Variants in AHNAK observed in about 807,000 individuals in gnomAD.
AHNAK encodes AHNAK nucleoprotein, also known as neuroblast differentiation-associated protein AHNAK.
A neutral mutation model predicts 37.8 loss-of-function variants in AHNAK; 23 were observed. The observed-to-expected ratio is 0.61, with a 90% CI of 0.44 to 0.86. The LOEUF is 0.86. AHNAK is among the 40% of genes least tolerant of loss of function. AHNAK has a pLI of 0.00. For synonymous variants in AHNAK, 2,481 were observed against 2,636.3 expected (o/e 0.94, Z 1.80); for missense variants, 7,411 against 7,319.4 (o/e 1.01, Z -0.46).
intron 5 of AHNAK, among the ~76,000 whole-genome samples, chr11:62,475,665 C>T (rs1424266866): frequency 5.9e-5 from 8 of 135,134 alleles, no homozygotes; most frequent in African/African-American, 2.0e-4. Context: ...AGTGCAGTGG[C>T]GCGATCTCAG....
In AHNAK at chr11:62,531,778, A is replaced by G; in HGVS notation, c.2639T>C (p.Met880Thr). ...GPDWHLKMPKMKMPKFSMPGF... is the reference protein window; with the variant it reads ...GPDWHLKMPKTKMPKFSMPGF... ...AGGCATGCTGAACTTGGGCATTTTC[A>G]TCTTGGGCATCTTCAGGTGCCAGTC... Residue 880 changes from methionine (M) to threonine (T), a missense_variant, in exon 5 of 5, where the codon ATG (methionine) becomes ACG (threonine). Transcript: ENST00000378024. The G allele has an allele frequency of 6.2e-7, 1 of 1,613,180 alleles. No homozygotes were observed. Among genetic ancestry groups the G allele is most frequent in the East Asian group, 2.2e-5 (1 of 44,810 alleles).
chr11:62,450,096 CTTTTGTTTTA>C (rs1938502103), intron 5 of AHNAK, among the ~76,000 whole-genome samples: 1 of 150,584 alleles, frequency 6.6e-6, no homozygotes, highest in Non-Finnish European at 1.5e-5. Context: ...ATTTTGTTTT[CTTTTGTTTTA>C]TTTTATTTTA....
chr11:62,454,738 G>A (rs1938620224), intron 5 of AHNAK, among the ~76,000 whole-genome samples: 1 of 151,960 alleles, frequency 6.6e-6, no homozygotes, highest in Non-Finnish European at 1.5e-5. Context: ...AGAGGAAGAA[G>A]AGGGAGAAAG....
chr11:62,515,158 A>G (rs753893963), downstream of AHNAK, among the ~76,000 whole-genome samples: 21 of 152,340 alleles, frequency 1.4e-4, no homozygotes, highest in Admixed American at 3.9e-4. Flanking sequence ...GACTTTGGTC[A>G]GAAGACTTTT....
intron 5 of AHNAK, among the ~76,000 whole-genome samples, chr11:62,442,280 T>C (rs1400137848): frequency 6.6e-6 from 1 of 152,168 alleles, no homozygotes; most frequent in Non-Finnish European, 1.5e-5. Context: ...GCACAGCAGC[T>C]CACACCTGTA....
chr11:62,542,207 G>A (rs1941149972), intron 1 of AHNAK, among the ~76,000 whole-genome samples: 1 of 152,016 alleles, frequency 6.6e-6, no homozygotes, highest in Non-Finnish European at 1.5e-5. Context: ...ACAGCCCAGG[G>A]CAGCCTGCAG....
In AHNAK at chr11:62,519,789, C is replaced by T; in HGVS notation, c.14628G>A (p.Gly4876=). Residue 4876 remains glycine, a synonymous_variant, in exon 5 of 5, where the codon GGG becomes GGA. Coordinates refer to ENST00000378024, the MANE Select transcript of AHNAK (RefSeq NM_001620.3). ...GATCTACTTCTGGGCCTTTCAAAGT[C>T]CCTTCAACCTTAGGGACAGACACAT... is the stretch of plus-strand genomic sequence containing the variant. ...DFDVSVPKVE[G]TLKGPEVDLK... The T allele has an allele frequency of 6.2e-7, 1 of 1,613,574 alleles. No individual in the cohort carries two copies. Among genetic ancestry groups the T allele is most frequent in the South Asian group, 1.1e-5 (1 of 91,018 alleles).
In AHNAK at chr11:62,519,637, G is replaced by A; in HGVS notation, c.14780C>T (p.Ala4927Val). ...TAPDVDLHLK[A>V]PKIGFSGPKL... ...CGGACCTGAAAATCCAATTTTTGGT[G>A]CCTTGAGATGCAAATCAACATCAGG... Residue 4927 changes from alanine to valine, a missense_variant, in exon 5 of 5, where the codon GCA becomes GTA. Ala to Val is a moderately conservative substitution (Grantham distance 64). Coordinates refer to ENST00000378024, the MANE Select transcript of AHNAK (RefSeq NM_001620.3). 2 of 1,613,674 alleles carry A rather than the reference G, an allele frequency of 1.2e-6. No homozygotes were observed. The highest frequency in any genetic ancestry group is 1.7e-6 in the Non-Finnish European group (2 of 1,179,902).
At chr11:62,541,223 A>G (rs927231542) in intron 1 of AHNAK, among the ~76,000 whole-genome samples, 6 of 152,242 alleles carry the variant, frequency 3.9e-5, no homozygotes, top group African/African-American at 1.2e-4. Flanking sequence ...TACACACCAC[A>G]GGGGCCCATG....
downstream of AHNAK, among the ~76,000 whole-genome samples, chr11:62,512,118 A>G (rs1360709085): frequency 6.6e-6 from 1 of 152,162 alleles, no homozygotes; most frequent in African/African-American, 2.4e-5. This position sits in a 1 kb window ranked among gnomAD's most constrained non-coding sequence, Gnocchi z 4.0. Context: ...ACGTGTTAGG[A>G]TTACAGGCGT....
chr11:62,539,889 C>T (rs952409613), intron 1 of AHNAK, among the ~76,000 whole-genome samples: 8 of 152,182 alleles, frequency 5.3e-5, no homozygotes, highest in Non-Finnish European at 1.2e-4. Flanking sequence ...CATTCAGTTC[C>T]GCGGAAGGGC....
chr11:62,546,498 C>T (rs981196877), intron 1 of AHNAK, among the ~76,000 whole-genome samples, 162 bp downstream of exon 1: 1 of 152,238 alleles, frequency 6.6e-6, no homozygotes, highest in Non-Finnish European at 1.5e-5. Context: ...CAGAGAGCGA[C>T]GCGTCGCCGC....
At position 62,517,826 on chromosome 11, in the gene AHNAK, C is replaced by T. The variant is rs983618539; in HGVS notation, c.16591G>A (p.Glu5531Lys). 2.5e-6 allele frequency: 4 copies of T among 1,614,126 alleles called. No homozygotes were observed. The highest frequency in any genetic ancestry group is 1.1e-5 in the South Asian group (1 of 91,090). Residue 5531 changes from glutamate (E) to lysine (K), a missense_variant, in exon 5 of 5, where the codon GAA (glutamate) becomes AAA (lysine). Coordinates refer to ENST00000378024, the MANE Select transcript of AHNAK (RefSeq NM_001620.3). ...PEIKGGLKGS[E>K]VGFHGAAPDI... ...GGAGCAGCCCCATGGAAACCTACTT[C>T]TGAACCTTTCAGACCACCTTTGATT...
chr11:62,537,770 C>T (rs1325618847), intron 1 of AHNAK, among the ~76,000 whole-genome samples: 11 of 152,038 alleles, frequency 7.2e-5, no homozygotes, highest in Non-Finnish European at 4.4e-5. Flanking sequence ...GCAACCTCCC[C>T]CTCCCAGGTT....
In AHNAK at chr11:62,518,963, C is replaced by G. The variant is rs1036911880; in HGVS notation, c.15454G>C (p.Val5152Leu). 6.2e-7 allele frequency: 1 copy of G among 1,614,042 alleles called. No homozygotes were observed. The highest frequency in any genetic ancestry group is 8.5e-7 in the Non-Finnish European group (1 of 1,180,034). Reference sequence around the variant, plus strand: ...TTCAGGTCACCCTCTATTTTTGGCACTGAGATGTCCACATCTGGCATCTTG... The same window carrying G: ...TTCAGGTCACCCTCTATTTTTGGCAGTGAGATGTCCACATCTGGCATCTTG... ...KVKMPDVDIS[V>L]PKIEGDLKGP... Residue 5152 changes from valine to leucine, a missense_variant, in exon 5 of 5, where the codon GTG becomes CTG. By Grantham distance (32) the Val-to-Leu change is conservative. Transcript: ENST00000378024.
At chr11:62,464,013 C>A (rs1590602833) in intron 5 of AHNAK, among the ~76,000 whole-genome samples, 2 of 151,678 alleles carry the variant, frequency 1.3e-5, no homozygotes, top group Non-Finnish European at 2.9e-5. Flanking sequence ...CGTGATCCGC[C>A]CGCCTCAGCC....
downstream of AHNAK, among the ~76,000 whole-genome samples, chr11:62,512,666 G>A (rs1006697952): frequency 6.6e-6 from 1 of 152,164 alleles, no homozygotes; most frequent in African/African-American, 2.4e-5. This position sits in a 1 kb window ranked among gnomAD's most constrained non-coding sequence, Gnocchi z 4.0. Flanking sequence ...CACTTTGGGA[G>A]GCCAAGGAGG....
intron 4 of AHNAK, among the ~76,000 whole-genome samples, chr11:62,502,253 C>A (rs1296137230): frequency 6.6e-6 from 1 of 152,162 alleles, no homozygotes; most frequent in East Asian, 1.9e-4. Context: ...GAGAAGTTTG[C>A]CAGCCAACAG....
At chr11:62,485,457 C>T (rs930668903) in intron 5 of AHNAK, among the ~76,000 whole-genome samples, 16 of 152,010 alleles carry the variant, frequency 1.1e-4, no homozygotes, top group Admixed American at 1.0e-3. Flanking sequence ...AATCCCAGCA[C>T]TTTGGGAGTC....
Sources: gnomAD v4.1 joint callset for allele counts (sites outside exome capture counted in the v4.1 genomes callset) on GRCh38, gnomAD v4.1.1 for gene constraint, Gnocchi (gnomAD v3.1) non-coding constraint, MANE v1.5 for transcripts, NCBI Gene and HGNC (gene_info 2026-07-23, HGNC 2026-07-21) for gene names.